Variants in MYO1D observed in about 807,000 individuals in gnomAD.
The protein encoded by MYO1D is unconventional myosin-Id.
Under a neutral mutation model 122.0 loss-of-function variants are expected in MYO1D, and 83 were observed. The ratio of observed to expected loss-of-function variants is 0.68; its 90% confidence interval spans 0.57 to 0.82. The LOEUF (loss-of-function observed/expected upper bound fraction) is 0.82, where lower values mean the gene tolerates loss of function less well. MYO1D is among the 40% of genes least tolerant of loss of function. MYO1D has a pLI of 0.00. For synonymous variants in MYO1D, 464 were observed against 446.9 expected, an observed-to-expected ratio of 1.04 and a Z score of -0.48; for missense variants, 1,157 against 1,269.5, an observed-to-expected ratio of 0.91 and a Z score of 1.35.
At chr17:32,839,228 T>C (rs7218094) in intron 1 of MYO1D, among the ~76,000 whole-genome samples, 2,194 of 152,296 alleles carry the variant, frequency 0.014, 45 homozygotes, top group African/African-American at 0.048. Flanking sequence ...GAGAGAACTA[T>C]ATGGACAATT....
At chr17:32,800,542 G>T (rs753370795) in intron 1 of MYO1D, among the ~76,000 whole-genome samples, 13 of 152,112 alleles carry the variant, frequency 8.5e-5, no homozygotes, top group Non-Finnish European at 1.6e-4. Flanking sequence ...CCAGAGGCTG[G>T]AGACCAGGGG....
At chr17:32,661,503 A>T (rs1013722866) in intron 16 of MYO1D, among the ~76,000 whole-genome samples, 23 of 152,008 alleles carry the variant, frequency 1.5e-4, no homozygotes, top group Non-Finnish European at 2.9e-5. Context: ...AAATACAGAA[A>T]AATTAGCCAT....
At chr17:32,807,363 T>C (rs1413715704) in intron 1 of MYO1D, among the ~76,000 whole-genome samples, 1 of 151,946 alleles carries the variant, frequency 6.6e-6, no homozygotes, top group Non-Finnish European at 1.5e-5. Context: ...CCTATGTATA[T>C]ACATATTTAA....
At chr17:32,540,327 CAAAAAAA>C (rs34076937) in intron 21 of MYO1D, among the ~76,000 whole-genome samples, 6 of 69,848 alleles carry the variant, frequency 8.6e-5, no homozygotes, top group African/African-American at 1.8e-4. Flanking sequence ...GAGACTATCT[CAAAAAAA>C]AAAAAAAAAA....
At chr17:32,797,390 G>A (rs1353931582) in intron 1 of MYO1D, among the ~76,000 whole-genome samples, 3 of 152,192 alleles carry the variant, frequency 2.0e-5, no homozygotes, top group African/African-American at 7.2e-5. Flanking sequence ...TACCCAGATA[G>A]GCAGCTTTTG....
chr17:32,562,698 G>T (rs558784301), intron 21 of MYO1D, among the ~76,000 whole-genome samples: 1 of 152,268 alleles, frequency 6.6e-6, no homozygotes, highest in African/African-American at 2.4e-5. Flanking sequence ...GCCCAGGCTG[G>T]CCTCAAGTGA....
chr17:32,607,788 C>A (rs1277211450), intron 20 of MYO1D, among the ~76,000 whole-genome samples: 1 of 150,612 alleles, frequency 6.6e-6, no homozygotes, highest in African/African-American at 2.4e-5. Context: ...TTAATCAAGA[C>A]AATAATTTAG....
At chr17:32,604,635 G>A (rs1361146527) in intron 21 of MYO1D, among the ~76,000 whole-genome samples, 1 of 152,176 alleles carries the variant, frequency 6.6e-6, no homozygotes, top group South Asian at 2.1e-4. Context: ...CCATGTTTCT[G>A]CAGTGGTCAC....
At chr17:32,815,070 C>T (rs909904964) in intron 1 of MYO1D, among the ~76,000 whole-genome samples, 1 of 152,178 alleles carries the variant, frequency 6.6e-6, no homozygotes, top group African/African-American at 2.4e-5. Flanking sequence ...GGAGGATGTG[C>T]CTCCAAAGAA....
chr17:32,846,470 C>T (rs1379378154), intron 1 of MYO1D, among the ~76,000 whole-genome samples: 1 of 152,108 alleles, frequency 6.6e-6, no homozygotes, highest in East Asian at 1.9e-4. Context: ...TATCTAGGTA[C>T]ATTCTGAGGT....
At chr17:32,829,530 T>C (rs1382802271) in intron 1 of MYO1D, among the ~76,000 whole-genome samples, 1 of 152,230 alleles carries the variant, frequency 6.6e-6, no homozygotes, top group Non-Finnish European at 1.5e-5. Context: ...CTCAGCTCGC[T>C]GCAACCTGCA....
intron 20 of MYO1D, among the ~76,000 whole-genome samples, chr17:32,615,812 G>T (rs1001983777): frequency 5.3e-5 from 8 of 152,182 alleles, no homozygotes; most frequent in Non-Finnish European, 1.2e-4. Context: ...GAATCTTAAG[G>T]GTCTTGTCCC....
chr17:32,786,741 A>T (rs2090298467), intron 1 of MYO1D, among the ~76,000 whole-genome samples: 1 of 152,110 alleles, frequency 6.6e-6, no homozygotes, highest in Non-Finnish European at 1.5e-5. Flanking sequence ...AATCTCTTGA[A>T]CCCAGGGGGC....
At chr17:32,547,166 CAA>C (rs2086970991) in intron 21 of MYO1D, among the ~76,000 whole-genome samples, 1 of 152,144 alleles carries the variant, frequency 6.6e-6, no homozygotes, top group Admixed American at 6.5e-5. Flanking sequence ...CTCTACCTCC[CAA>C]AGTGTTGGCA....
chr17:32,856,330 C>G (rs1259689562), intron 1 of MYO1D, among the ~76,000 whole-genome samples: 1 of 152,186 alleles, frequency 6.6e-6, no homozygotes, highest in Non-Finnish European at 1.5e-5. Context: ...ATGTCTTTCT[C>G]TCTCTACGGC....
chr17:32,565,528 G>C (rs2087164978), intron 21 of MYO1D, among the ~76,000 whole-genome samples: 1 of 152,168 alleles, frequency 6.6e-6, no homozygotes, highest in South Asian at 2.1e-4. Context: ...TGTCACCTCT[G>C]CTCTCAGGAG....
intron 14 of MYO1D, among the ~76,000 whole-genome samples, chr17:32,724,910 T>A (rs1475329481): frequency 6.6e-6 from 1 of 152,204 alleles, no homozygotes; most frequent in Admixed American, 6.5e-5. Context: ...TTTCTGCAGA[T>A]AATTTTGCAA....
chr17:32,531,400 G>C (rs1910504417), intron 21 of MYO1D: 1 of 152,168 alleles, frequency 6.6e-6, no homozygotes, highest in African/African-American at 2.4e-5. Flanking sequence ...CACGTCCTTG[G>C]TTCTAGTGCT....
At chr17:32,564,042 A>G (rs9907658) in intron 21 of MYO1D, among the ~76,000 whole-genome samples, 1 of 152,256 alleles carries the variant, frequency 6.6e-6, no homozygotes, top group East Asian at 1.9e-4. Context: ...TCCAGAAGCC[A>G]CTTTGCTGCC....
Sources: gnomAD v4.1 joint callset for allele counts (sites outside exome capture counted in the v4.1 genomes callset) on GRCh38, gnomAD v4.1.1 for gene constraint, MANE v1.5 for transcripts, NCBI Gene and HGNC (gene_info 2026-07-23, HGNC 2026-07-21) for gene names.